The following FASLG variants were observed in gnomAD, a reference collection of about 807,000 sequenced individuals.
FASLG encodes the protein tumor necrosis factor ligand superfamily member 6.
A neutral mutation model predicts 24.6 loss-of-function variants in FASLG; 9 were observed. That is an observed-to-expected ratio of 0.37 (90% CI 0.22 to 0.64). The LOEUF (loss-of-function observed/expected upper bound fraction) is 0.64, where lower values mean the gene tolerates loss of function less well. Among genes scored for constraint, FASLG ranks in the 30% least tolerant of loss-of-function variants. The probability of loss-of-function intolerance (pLI) is 0.64; values close to 1 mark genes in which losing one functional copy is unlikely to be tolerated. For missense variants in FASLG, 306 were observed against 345.3 expected, an observed-to-expected ratio of 0.89 and a Z score of 0.90; for synonymous variants, 130 against 135.5, an observed-to-expected ratio of 0.96 and a Z score of 0.28.
rs565446606 is a variant in FASLG, at chr1:172,665,549, T to G, written c.452-73T>G. 21 of 1,568,790 alleles carry G rather than the reference T, an allele frequency of 1.3e-5. No homozygotes were observed. The African/African-American group carries it at 2.4e-4, about 18-fold the overall frequency. On this transcript the variant is annotated intron_variant, in intron 3 of 3. Coordinates refer to ENST00000367721, the MANE Select transcript of FASLG (RefSeq NM_000639.3). ...CATTTGTTGAAGGAAGGGCCCACAG[T>G]TTTGCCTTAGAAACTTAGTTTGTTG... is the stretch of plus-strand genomic sequence containing the variant.
rs1228609464 is a variant in FASLG, at chr1:172,665,580, A to G, written c.452-42A>G. On this transcript the variant is annotated intron_variant, in intron 3 of 3. Transcript: ENST00000367721. ...CTTAGAAACTTAGTTTGTTGGATGCATGACTATTCCTTGTTGAAAGCTCCT... is the reference window on the plus strand; with the variant it reads ...CTTAGAAACTTAGTTTGTTGGATGCGTGACTATTCCTTGTTGAAAGCTCCT... 4.4e-6 allele frequency: 7 copies of G among 1,604,008 alleles called. No individual in the cohort carries two copies. The African/African-American group carries it at 5.3e-5, about 12-fold the overall frequency.
rs1272242859 is a variant in FASLG at position 172,659,332 on chromosome 1, G to A, written c.131G>A (p.Arg44Lys). ...TSVPRRPGQR[R>K]PPPPPPPPPL... ...GTGCCCAGAAGGCCTGGTCAAAGGA[G>A]GCCACCACCACCACCGCCACCGCCA... The change falls in exon 1 of 4, where the codon AGG becomes AAG. Residue 44 changes from arginine (R) to lysine (K), a missense_variant. Arg to Lys is a conservative substitution (Grantham distance 26). Coordinates refer to ENST00000367721, the MANE Select transcript of FASLG (RefSeq NM_000639.3). 4.3e-6 allele frequency: 7 copies of A among 1,613,392 alleles called. No individual in the cohort carries two copies. Among genetic ancestry groups the A allele is most frequent in the Middle Eastern group, 1.7e-4 (1 of 6,002 alleles).
Position 172,659,368 on chromosome 1 carries a change from C to T in FASLG, c.167C>T (p.Pro56Leu). The change falls in exon 1 of 4, where the codon CCT becomes CTT. Residue 56 changes from proline (P) to leucine (L), a missense_variant. Coordinates refer to ENST00000367721, the MANE Select transcript of FASLG (RefSeq NM_000639.3). The part of the protein sequence containing the change: ...PPPPPPPPLP[P>L]PPPPPPLPPL... ...CCACCGCCACCGCCACCACTACCAC[C>T]TCCGCCGCCGCCGCCACCACTGCCT... is the stretch of plus-strand genomic sequence containing the variant. The T allele has an allele frequency of 6.2e-7, 1 of 1,610,518 alleles. No homozygotes were observed. Among genetic ancestry groups the T allele is most frequent in the Admixed American group, 1.7e-5 (1 of 59,328 alleles).
chr1:172,662,916 G>A (rs886848358), intron 2 of FASLG, among the ~76,000 whole-genome samples: 18 of 152,124 alleles, frequency 1.2e-4, no homozygotes, highest in African/African-American at 4.3e-4. Flanking sequence ...TAGGAATGCA[G>A]AGGAGACTCA....
chr1:172,662,860 G>A (rs1029383108), intron 2 of FASLG, among the ~76,000 whole-genome samples: 2 of 152,156 alleles, frequency 1.3e-5, no homozygotes, highest in Non-Finnish European at 2.9e-5. Context: ...GTTTCCTGCC[G>A]GTGCGTGGCT....
In FASLG at chr1:172,661,296, G is replaced by A. The variant is rs369341256; in HGVS notation, c.394+1156G>A. Among the ~76,000 whole-genome samples the A allele has an allele frequency of 3.9e-5, 6 of 152,182 alleles. No individual in the cohort carries two copies. The South Asian group carries it at 6.2e-4, about 16-fold the overall frequency. On this transcript the variant is annotated intron_variant, in intron 2 of 3. Coordinates refer to ENST00000367721, the MANE Select transcript of FASLG (RefSeq NM_000639.3). ...AAGTGAAGCAAGTTCCAGTTTCTCC[G>A]GATGTGGCTACTGCACATGACCCAG...
rs1659254268 is a variant in FASLG, at chr1:172,666,002, T to C, written c.832T>C (p.Leu278=). 1 of 1,614,066 alleles carries C rather than the reference T, an allele frequency of 6.2e-7. No homozygotes were observed. The highest frequency in any genetic ancestry group is 1.1e-5 in the South Asian group (1 of 91,080). The stretch of plus-strand genomic sequence containing the variant: ...TGAGGAATCTCAGACGTTTTTCGGC[T>C]TATATAAGCTCTAAGAGAAGCACTT... ...NFEESQTFFG[L]YKL The change falls in exon 4 of 4, where the codon TTA becomes CTA. Residue 278 remains leucine, a synonymous_variant. Transcript: ENST00000367721.
At chr1:172,661,869 C>T (rs1339432083) in intron 2 of FASLG, among the ~76,000 whole-genome samples, 2 of 151,796 alleles carry the variant, frequency 1.3e-5, no homozygotes, top group African/African-American at 2.4e-5. Flanking sequence ...TTTTGAAGAG[C>T]GCTTTAGAAA....
intron 2 of FASLG, 75 bp downstream of exon 2, chr1:172,660,215 T>A: frequency 1.4e-6 from 2 of 1,439,566 alleles, no homozygotes; most frequent in Non-Finnish European, 2.0e-6. Context: ...TGGAATGCCT[T>A]AAATTCTGTC....
chr1:172,664,922 C>G (rs758993507), intron 3 of FASLG, among the ~76,000 whole-genome samples: 4 of 152,124 alleles, frequency 2.6e-5, no homozygotes, highest in Non-Finnish European at 5.9e-5. Flanking sequence ...ATAAATATCA[C>G]AGAAAGTGGT....
intron 2 of FASLG, among the ~76,000 whole-genome samples, chr1:172,663,908 G>A (rs1360706760): frequency 6.6e-6 from 1 of 152,032 alleles, no homozygotes; most frequent in Non-Finnish European, 1.5e-5. Flanking sequence ...AGGAGAGCAG[G>A]GTGTGGTCCC....
Position 172,659,545 on chromosome 1 carries a change from G to A in FASLG, c.344G>A (p.Arg115Gln), listed in dbSNP as rs1023476500. ...FHLQKELAEL[R>Q]ESTSQMHTAS... is the part of the protein sequence containing the mutation. ...CTACAGAAGGAGCTGGCAGAACTCC[G>A]AGAGGTAAGCCTGCCGGCAGACTGC... Residue 115 changes from arginine to glutamine, a missense_variant, in exon 1 of 4, where the codon CGA (arginine) becomes CAA (glutamine). Coordinates refer to ENST00000367721, the MANE Select transcript of FASLG (RefSeq NM_000639.3). 10 of 1,613,468 alleles carry A rather than the reference G, an allele frequency of 6.2e-6. No individual in the cohort carries two copies. The East Asian group carries it at 6.7e-5, about 11-fold the overall frequency.
intron 2 of FASLG, among the ~76,000 whole-genome samples, chr1:172,661,349 A>G (rs1659135169): frequency 6.6e-6 from 1 of 152,170 alleles, no homozygotes; most frequent in Non-Finnish European, 1.5e-5. Flanking sequence ...TAGACTGTTA[A>G]GTTCTTATAT....
At chr1:172,662,650 G>A (rs907066320) in intron 2 of FASLG, among the ~76,000 whole-genome samples, 1 of 152,016 alleles carries the variant, frequency 6.6e-6, no homozygotes, top group Non-Finnish European at 1.5e-5. Context: ...GGCTGGGGGC[G>A]GGCATTTCAG....
In FASLG at chr1:172,659,120, T is replaced by TC; in HGVS notation, c.-79dup. The stretch of plus-strand genomic sequence containing the variant: ...TCCTCTTGAGCAGTCAGCAACAGGG[T>TC]CCCGTCCTTGACACCTCAGCCTCTA... On this transcript the variant is annotated 5_prime_UTR_variant, in exon 1 of 4. Coordinates refer to ENST00000367721, the MANE Select transcript of FASLG (RefSeq NM_000639.3). The TC allele has an allele frequency of 6.3e-7, 1 of 1,597,054 alleles. No homozygotes were observed. The highest frequency in any genetic ancestry group is 8.5e-7 in the Non-Finnish European group (1 of 1,171,924).
chr1:172,659,338 C>A lies in FASLG; in HGVS notation c.137C>A (p.Pro46Gln), dbSNP rs779382158. The A allele has an allele frequency of 1.2e-6, 2 of 1,612,824 alleles. No homozygotes were observed. Among genetic ancestry groups the A allele is most frequent in the Non-Finnish European group, 1.7e-6 (2 of 1,179,632 alleles). The change falls in exon 1 of 4, where the codon CCA (proline) becomes CAA (glutamine). Residue 46 changes from proline (P) to glutamine (Q), a missense_variant. By Grantham distance (76) the Pro-to-Gln change is moderately conservative. Transcript: ENST00000367721. Reference sequence around the variant, plus strand: ...AGAAGGCCTGGTCAAAGGAGGCCACCACCACCACCGCCACCGCCACCACTA... The same window carrying A: ...AGAAGGCCTGGTCAAAGGAGGCCACAACCACCACCGCCACCGCCACCACTA... ...VPRRPGQRRP[P>Q]PPPPPPPLPP... is the part of the protein sequence containing the mutation.
In FASLG at chr1:172,660,350, G is replaced by T. The variant is rs185507642; in HGVS notation, c.394+210G>T. On this transcript the variant is annotated intron_variant, in intron 2 of 3. Coordinates refer to ENST00000367721, the MANE Select transcript of FASLG (RefSeq NM_000639.3). ...AATTGCTCACAATCAATATAGCTGA[G>T]CACTGCACACAATTCAAAATCACTT... Among the ~76,000 whole-genome samples the T allele has an allele frequency of 5.8e-4, 88 of 152,292 alleles. 1 individual carries two copies. Among genetic ancestry groups the T allele is most frequent in the Admixed American group, 2.6e-3 (39 of 15,292 alleles).
At position 172,659,178 on chromosome 1, in the gene FASLG, G is replaced by A; in HGVS notation, c.-24G>A. The A allele has an allele frequency of 6.2e-7, 1 of 1,614,014 alleles. No homozygotes were observed. The highest frequency in any genetic ancestry group is 8.5e-7 in the Non-Finnish European group (1 of 1,180,004). ...GAGAAGAAGTAAAACCGTTTGCTGG[G>A]GCTGGCCTGACTCACCAGCTGCCAT... On this transcript the variant is annotated 5_prime_UTR_variant, in exon 1 of 4. Transcript: ENST00000367721.
chr1:172,665,661 A>G lies in FASLG; in HGVS notation c.491A>G (p.Asp164Gly), dbSNP rs1477099416. Residue 164 changes from aspartate (D) to glycine (G), a missense_variant, in exon 4 of 4, where the codon GAC (aspartate) becomes GGC (glycine). Coordinates refer to ENST00000367721, the MANE Select transcript of FASLG (RefSeq NM_000639.3). ...AGGTCCATGCCTCTGGAATGGGAAG[A>G]CACCTATGGAATTGTCCTGCTTTCT... is the stretch of plus-strand genomic sequence containing the variant. ...NSRSMPLEWE[D>G]TYGIVLLSGV... The G allele has an allele frequency of 6.2e-7, 1 of 1,614,148 alleles. No individual in the cohort carries two copies.
Sources: gnomAD v4.1 joint callset for allele counts (sites outside exome capture counted in the v4.1 genomes callset) on GRCh38, gnomAD v4.1.1 for gene constraint, MANE v1.5 for transcripts, NCBI Gene and HGNC (gene_info 2026-07-23, HGNC 2026-07-21) for gene names.